The following GABRG3 variants were observed in gnomAD, a reference collection of about 807,000 sequenced individuals.
GABRG3 encodes gamma-aminobutyric acid type A receptor subunit gamma3.
A neutral mutation model predicts 48.8 loss-of-function variants in GABRG3; 25 were observed. That is an observed-to-expected ratio of 0.51 (90% CI 0.37 to 0.72). The LOEUF is 0.72. Among genes scored for constraint, GABRG3 ranks in the 30% least tolerant of loss-of-function variants. The pLI is 0.00. For synonymous variants in GABRG3, 227 were observed against 217.6 expected (o/e 1.04, Z -0.38); for missense variants, 394 against 577.9 (o/e 0.68, Z 3.26).
At chr15:27,024,714 G>A (rs61998075) in intron 2 of GABRG3, among the ~76,000 whole-genome samples, 22,981 of 152,118 alleles carry the variant, frequency 0.15, 1,852 homozygotes, top group South Asian at 0.19. Context: ...CTTCAATTAC[G>A]TTAGCATGAC....
chr15:27,140,657 T>C (rs1392639225), intron 3 of GABRG3, among the ~76,000 whole-genome samples: 1 of 152,224 alleles, frequency 6.6e-6, no homozygotes, highest in African/African-American at 2.4e-5. Context: ...ACTTTAATAA[T>C]ATTTCTTATT....
At chr15:27,283,259 G>T (rs945365531) in intron 3 of GABRG3, among the ~76,000 whole-genome samples, 5 of 152,118 alleles carry the variant, frequency 3.3e-5, no homozygotes, top group African/African-American at 1.2e-4. Flanking sequence ...TTGGGGTGGG[G>T]CATGAATTTT....
intron 3 of GABRG3, among the ~76,000 whole-genome samples, chr15:27,052,407 G>A (rs1056152941): frequency 7.2e-5 from 11 of 152,210 alleles, no homozygotes; most frequent in Non-Finnish European, 1.0e-4. Flanking sequence ...GGCACAGGTG[G>A]TAGAAAAACT....
intron 3 of GABRG3, among the ~76,000 whole-genome samples, chr15:27,074,724 T>C (rs1037800527): frequency 6.6e-6 from 1 of 152,114 alleles, no homozygotes; most frequent in African/African-American, 2.4e-5. Flanking sequence ...GATCCCTTAG[T>C]GTCTGACACT....
chr15:27,512,157 TTAGA>T (rs913046235), intron 6 of GABRG3, among the ~76,000 whole-genome samples: 7 of 152,188 alleles, frequency 4.6e-5, no homozygotes, highest in Admixed American at 6.5e-5. Flanking sequence ...ATGTTGGCTG[TTAGA>T]TAGAAAATAA....
chr15:27,396,929 G>C (rs1428360327), intron 5 of GABRG3, among the ~76,000 whole-genome samples: 17 of 152,184 alleles, frequency 1.1e-4, no homozygotes, highest in Non-Finnish European at 2.5e-4. Context: ...GAGGTTGGTG[G>C]TTACCTGGGG....
intron 2 of GABRG3, among the ~76,000 whole-genome samples, chr15:27,011,847 C>CAA (rs10605771): frequency 1.6e-5 from 2 of 123,556 alleles, no homozygotes; most frequent in Admixed American, 8.6e-5. Flanking sequence ...GACTCCGTCT[C>CAA]AAAAAAAAAA....
chr15:27,219,280 T>C (rs546429825), intron 3 of GABRG3, among the ~76,000 whole-genome samples: 37 of 149,460 alleles, frequency 2.5e-4, no homozygotes, highest in African/African-American at 9.3e-4. Context: ...GGGCTGGCCT[T>C]GGGGCGGGCT....
intron 5 of GABRG3, among the ~76,000 whole-genome samples, chr15:27,425,603 T>C (rs1330943040): frequency 6.6e-6 from 1 of 151,954 alleles, no homozygotes; most frequent in Non-Finnish European, 1.5e-5. Flanking sequence ...AGAGCGAGAC[T>C]CCATCTCAAA....
At chr15:27,518,369 C>CAGAAAA (rs1891077630) in intron 6 of GABRG3, among the ~76,000 whole-genome samples, 1 of 126,918 alleles carries the variant, frequency 7.9e-6, no homozygotes, top group African/African-American at 3.0e-5. Context: ...AACTCTGTCT[C>CAGAAAA]AAAAAAAAAA....
intron 5 of GABRG3, among the ~76,000 whole-genome samples, chr15:27,454,495 C>A (rs982066815): frequency 6.6e-6 from 1 of 152,176 alleles, no homozygotes; most frequent in Non-Finnish European, 1.5e-5. Context: ...ACGGGTGTGA[C>A]TATCTCTCCA....
chr15:27,491,339 G>A (rs1387978425), intron 6 of GABRG3, among the ~76,000 whole-genome samples: 2 of 152,230 alleles, frequency 1.3e-5, no homozygotes, highest in Admixed American at 1.3e-4. Context: ...AAGCCACGCA[G>A]TCAGCTATGC....
At chr15:27,088,300 G>A (rs1354385669) in intron 3 of GABRG3, among the ~76,000 whole-genome samples, 2 of 151,970 alleles carry the variant, frequency 1.3e-5, no homozygotes. Context: ...GTGGGAAGTG[G>A]TGGCTAAAGG....
At chr15:27,254,664 C>G (rs1372093044) in intron 3 of GABRG3, among the ~76,000 whole-genome samples, 1 of 152,104 alleles carries the variant, frequency 6.6e-6, no homozygotes, top group African/African-American at 2.4e-5. Flanking sequence ...TCTCAGGGGC[C>G]TCTTTCATAA....
chr15:27,397,670 G>T (rs552923265), intron 5 of GABRG3, among the ~76,000 whole-genome samples: 2 of 151,862 alleles, frequency 1.3e-5, no homozygotes, highest in Admixed American at 6.6e-5. Flanking sequence ...CCAGCCTCCC[G>T]CTTCTGCTGA....
At chr15:27,223,273 G>T (rs1392847964) in intron 3 of GABRG3, among the ~76,000 whole-genome samples, 1 of 152,274 alleles carries the variant, frequency 6.6e-6, no homozygotes, top group East Asian at 1.9e-4. Context: ...TAATAGAAAT[G>T]TTACCAAAAG....
intron 5 of GABRG3, among the ~76,000 whole-genome samples, chr15:27,336,692 T>C (rs1186937914): frequency 2.0e-5 from 3 of 152,218 alleles, no homozygotes; most frequent in Non-Finnish European, 4.4e-5. Flanking sequence ...AATAGTTATG[T>C]TGACACAAAA....
intron 3 of GABRG3, among the ~76,000 whole-genome samples, chr15:27,171,507 C>CATATATATATATATATATATAT (rs57913193): frequency 2.1e-5 from 3 of 144,334 alleles, no homozygotes; most frequent in Non-Finnish European, 4.5e-5. Context: ...GCATGTCTAA[C>CATATATATATATATATATATAT]ATATATATAT....
At chr15:27,105,435 C>A (rs1394601849) in intron 3 of GABRG3, among the ~76,000 whole-genome samples, 1 of 152,108 alleles carries the variant, frequency 6.6e-6, no homozygotes, top group African/African-American at 2.4e-5. Context: ...ATACTCCACC[C>A]AACAACAGCA....
Sources: gnomAD v4.1 joint callset for allele counts (sites outside exome capture counted in the v4.1 genomes callset) on GRCh38, gnomAD v4.1.1 for gene constraint, MANE v1.5 for transcripts, NCBI Gene and HGNC (gene_info 2026-07-23, HGNC 2026-07-21) for gene names.